Variants in DNAH8 observed in about 807,000 individuals in gnomAD.
The protein encoded by DNAH8 is axonemal beta dynein heavy chain 8.
Under a neutral mutation model 562.1 loss-of-function variants are expected in DNAH8, and 382 were observed. That is an observed-to-expected ratio of 0.68 (90% confidence interval 0.63 to 0.74). DNAH8 has a LOEUF of 0.74. Among genes scored for constraint, DNAH8 ranks in the 30% least tolerant of loss-of-function variants. DNAH8 has a pLI of 0.00. For missense variants in DNAH8, 5,203 were observed against 5,620.4 expected (o/e 0.93, Z 2.37); for synonymous variants, 1,881 against 1,919.4 (o/e 0.98, Z 0.52).
At chr6:38,765,395 C>G (rs576307067) in intron 11 of DNAH8, among the ~76,000 whole-genome samples, 1 of 152,026 alleles carries the variant, frequency 6.6e-6, no homozygotes, top group African/African-American at 2.4e-5. Flanking sequence ...AGCTTTTCCC[C>G]GACATTTTCC....
rs1781927784 is a variant in DNAH8 at position 38,924,117 on chromosome 6, C to A, written c.10917C>A (p.Phe3639Leu). ...AGTTGAGAGCACGGAAAATTCCTTTCACAGAAAACCTGAATCTTATTTCAA... is the reference window on the plus strand; with the variant it reads ...AGTTGAGAGCACGGAAAATTCCTTTAACAGAAAACCTGAATCTTATTTCAA... ...EMELRARKIP[F>L]TENLNLISML... Residue 3639 changes from phenylalanine to leucine, a missense_variant, in exon 73 of 93, where the codon TTC becomes TTA. Around this residue, in one of 6 missense-constraint regions of DNAH8, gnomAD observed 1,399 missense variants for 1,518.4 expected, o/e 0.92. Coordinates refer to ENST00000327475, the MANE Select transcript of DNAH8 (RefSeq NM_001206927.2). The A allele has an allele frequency of 6.2e-7, 1 of 1,613,968 alleles. No individual in the cohort carries two copies.
chr6:38,735,630 A>G (rs1015762814), intron 5 of DNAH8, among the ~76,000 whole-genome samples: 1 of 152,142 alleles, frequency 6.6e-6, no homozygotes, highest in Non-Finnish European at 1.5e-5. Context: ...GATTTCATCC[A>G]TTCATTTTTA....
chr6:39,014,712 C>G (rs1440462604), intron 91 of DNAH8, among the ~76,000 whole-genome samples: 1 of 152,142 alleles, frequency 6.6e-6, no homozygotes, highest in African/African-American at 2.4e-5. Context: ...AGGTAGAGGC[C>G]TGAGCAAAAA....
chr6:38,945,258 C>T (rs1053984894), intron 79 of DNAH8, among the ~76,000 whole-genome samples: 3 of 152,030 alleles, frequency 2.0e-5, no homozygotes, highest in Non-Finnish European at 1.5e-5. Flanking sequence ...GTTATTTATA[C>T]CTTATAAGAT....
intron 88 of DNAH8, among the ~76,000 whole-genome samples, chr6:38,991,211 T>G (rs887339642): frequency 1.3e-5 from 2 of 152,206 alleles, no homozygotes; most frequent in African/African-American, 4.8e-5. Context: ...CCCACCTTGA[T>G]TCCACCTTCT....
chr6:38,831,698 GT>G (rs1773849741), intron 30 of DNAH8, among the ~76,000 whole-genome samples: 1 of 152,116 alleles, frequency 6.6e-6, no homozygotes, highest in Admixed American at 6.5e-5. Context: ...CTTTGGAGAA[GT>G]TACTTAGCCT....
intron 42 of DNAH8, among the ~76,000 whole-genome samples, chr6:38,858,292 C>T (rs1776356961): frequency 6.6e-6 from 1 of 152,108 alleles, no homozygotes; most frequent in Admixed American, 6.6e-5. Flanking sequence ...TCTTTACCTC[C>T]CATTTAACTC....
At chr6:38,715,938 ATATATATATATATATATATATAT>A (rs1450358278) in intron 1 of DNAH8, among the ~76,000 whole-genome samples, 14 of 21,446 alleles carry the variant, frequency 6.5e-4, no homozygotes, top group Non-Finnish European at 8.8e-4. Flanking sequence ...ATATATATAT[ATATATATATATATATATATATAT>A]TTTTTTTTTT....
At chr6:38,985,316 C>G (rs111385665) in intron 87 of DNAH8, among the ~76,000 whole-genome samples, 2 of 152,170 alleles carry the variant, frequency 1.3e-5, no homozygotes, top group African/African-American at 2.4e-5. Flanking sequence ...GAGAAAAAAC[C>G]AGATGTCTTT....
intron 21 of DNAH8, among the ~76,000 whole-genome samples, chr6:38,802,740 G>A (rs984358442): frequency 6.6e-6 from 1 of 152,192 alleles, no homozygotes; most frequent in Non-Finnish European, 1.5e-5. Context: ...TATGTGTAAA[G>A]CTCTTAAATT....
intron 10 of DNAH8, among the ~76,000 whole-genome samples, chr6:38,761,466 A>T (rs1009208200): frequency 8.0e-5 from 12 of 150,502 alleles, no homozygotes; most frequent in Admixed American, 2.0e-4. Context: ...TATTATTATT[A>T]TTTTTTATTT....
At chr6:38,854,223 A>C (rs1776001694) in intron 41 of DNAH8, among the ~76,000 whole-genome samples, 1 of 55,840 alleles carries the variant, frequency 1.8e-5, no homozygotes, top group Non-Finnish European at 4.4e-5. Context: ...TAATGTTTAG[A>C]AAGTGAAGAC....
At chr6:38,864,926 A>G (rs1045309917) in intron 45 of DNAH8, among the ~76,000 whole-genome samples, 1 of 152,162 alleles carries the variant, frequency 6.6e-6, no homozygotes, top group Non-Finnish European at 1.5e-5. Flanking sequence ...CTTAACCTCC[A>G]CACTTGGTTT....
rs147759914 is a variant in DNAH8 at position 38,951,267 on chromosome 6, TA to T, written c.12249-46del. 4,198 of 1,512,380 alleles carry T rather than the reference TA, an allele frequency of 2.8e-3. 103 individuals carry two copies. In the African/African-American group the frequency reaches 0.051, roughly 18 times the overall value. 93.7% of individuals were successfully genotyped at this position (1,512,380 alleles called of 1,614,324 possible). ...TATGTTTTTACTTACTCAGATAGGA[TA>T]AAAATTGAACACGTTTAGTTTATTT... On this transcript the variant is annotated intron_variant, in intron 81 of 92. Coordinates refer to ENST00000327475, the MANE Select transcript of DNAH8 (RefSeq NM_001206927.2).
intron 68 of DNAH8, 141 bp from the exon 69 acceptor site, chr6:38,917,098 A>C: frequency 3.6e-6 from 2 of 552,208 alleles, no homozygotes; most frequent in Non-Finnish European, 6.0e-6. Context: ...ACAATGAAAG[A>C]GCCACTAAGC....
chr6:38,896,038 T>C lies in DNAH8; in HGVS notation c.8753T>C (p.Ile2918Thr). Residue 2918 changes from isoleucine to threonine, a missense_variant, in exon 60 of 93, where the codon ATA (isoleucine) becomes ACA (threonine). Physicochemically the swap from Ile to Thr is moderately conservative, Grantham distance 89. This residue lies in a region of DNAH8 where 977 missense variants were observed against 1,061.8 expected (regional missense o/e 0.92). Transcript: ENST00000327475. ...CTACTACATTTTCCTTTCAGATTTA[T>C]AACTCCTGAAGATGAGCAGTGGTTT... ...ECSRVIADRF[I>T]TPEDEQWFNA... 1 of 1,609,216 alleles carries C rather than the reference T, an allele frequency of 6.2e-7. No individual in the cohort carries two copies. Among genetic ancestry groups the C allele is most frequent in the Non-Finnish European group, 8.5e-7 (1 of 1,178,312 alleles).
chr6:38,768,890 T>G (rs1767285290), intron 11 of DNAH8, among the ~76,000 whole-genome samples: 1 of 152,218 alleles, frequency 6.6e-6, no homozygotes, highest in South Asian at 2.1e-4. Context: ...CCTCTAGAGC[T>G]TCTCTTGTTA....
At chr6:38,859,705 G>A (rs1037329092) in intron 42 of DNAH8, among the ~76,000 whole-genome samples, 4 of 152,300 alleles carry the variant, frequency 2.6e-5, no homozygotes, top group East Asian at 3.9e-4. Flanking sequence ...AACAGACCAG[G>A]TACTAGAGCT....
At chr6:38,765,787 C>T (rs566223207) in intron 11 of DNAH8, among the ~76,000 whole-genome samples, 1 of 152,310 alleles carries the variant, frequency 6.6e-6, no homozygotes, top group South Asian at 2.1e-4. Context: ...GAAATATCAG[C>T]TCACACTTGT....
Sources: gnomAD v4.1 joint callset for allele counts (sites outside exome capture counted in the v4.1 genomes callset) on GRCh38, gnomAD v4.1.1 for gene constraint, gnomAD v4.1.1 regional missense constraint, MANE v1.5 for transcripts, NCBI Gene and HGNC (gene_info 2026-07-23, HGNC 2026-07-21) for gene names.